The following TRAPPC9 variants were observed in gnomAD, a reference collection of about 807,000 sequenced individuals.
TRAPPC9 encodes the protein IKK2 binding protein.
A neutral mutation model predicts 124.0 loss-of-function variants in TRAPPC9; 83 were observed. The ratio of observed to expected loss-of-function variants is 0.67; its 90% CI spans 0.56 to 0.80. The LOEUF is 0.80. Among genes scored for constraint, TRAPPC9 ranks in the 30% least tolerant of loss-of-function variants. The pLI is 0.00. For missense variants in TRAPPC9, 1,302 were observed against 1,508.3 expected (o/e 0.86, Z 2.27); for synonymous variants, 638 against 617.5 (o/e 1.03, Z -0.49).
Position 140,290,985 on chromosome 8 carries a change from A to G in TRAPPC9, c.1854+8T>C. On this transcript the variant is annotated splice_region_variant and intron_variant, in intron 12 of 22. Coordinates refer to ENST00000438773, the MANE Select transcript of TRAPPC9 (RefSeq NM_001160372.4). ...GCCCAAAAAGGTCAAATGATTGGTG[A>G]TACATACCATGTTTTCAACTCGAAG... is the stretch of plus-strand genomic sequence containing the variant. The G allele has an allele frequency of 3.1e-6, 5 of 1,613,292 alleles. No homozygotes were observed. The highest frequency in any genetic ancestry group is 4.2e-6 in the Non-Finnish European group (5 of 1,179,234).
intron 18 of TRAPPC9, among the ~76,000 whole-genome samples, chr8:140,011,586 C>T (rs551263709): frequency 2.7e-5 from 4 of 146,234 alleles, no homozygotes; most frequent in African/African-American, 1.0e-4. Flanking sequence ...TCACTGCAAC[C>T]TCTGCCTCCC....
At chr8:139,751,697 CA>C (rs1329765151) in intron 21 of TRAPPC9, among the ~76,000 whole-genome samples, 1 of 152,162 alleles carries the variant, frequency 6.6e-6, no homozygotes, top group African/African-American at 2.4e-5. Flanking sequence ...CCTATCCATC[CA>C]GCATCTACCC....
At chr8:139,814,766 G>T (rs555252811) in intron 21 of TRAPPC9, among the ~76,000 whole-genome samples, 2 of 152,330 alleles carry the variant, frequency 1.3e-5, no homozygotes, top group South Asian at 2.1e-4. Flanking sequence ...GTAGCTGTGA[G>T]CTCCAAGGGT....
intron 19 of TRAPPC9, among the ~76,000 whole-genome samples, chr8:139,963,389 G>A (rs1489819406): frequency 6.6e-6 from 1 of 152,166 alleles, no homozygotes. Context: ...TGGCTGAGGT[G>A]TAGAGGAGTT....
At chr8:140,060,273 A>C (rs1465095680) in intron 17 of TRAPPC9, among the ~76,000 whole-genome samples, 1 of 152,152 alleles carries the variant, frequency 6.6e-6, no homozygotes, top group African/African-American at 2.4e-5. Context: ...GTGTCCCACG[A>C]GGTCCCTCCC....
rs1470721568 is a variant in TRAPPC9 at position 139,817,297 on chromosome 8, C to T, written c.3055+68582G>A. Among the ~76,000 whole-genome samples the T allele has an allele frequency of 2.0e-5, 3 of 152,216 alleles. No individual in the cohort carries two copies. In the South Asian group the frequency reaches 6.2e-4, roughly 31 times the overall value. ...AGGCTGCAAATCTCATATATTTCCA[C>T]ATGCCATGCAGCAGTGGAGGGCACA... On this transcript the variant is annotated intron_variant, in intron 21 of 22. Transcript: ENST00000438773.
intron 11 of TRAPPC9, among the ~76,000 whole-genome samples, chr8:140,292,670 A>G (rs1441056252): frequency 6.6e-6 from 1 of 151,970 alleles, no homozygotes; most frequent in Non-Finnish European, 1.5e-5. Context: ...ATATGTAGAA[A>G]GCTGAAACTG....
chr8:140,438,556 G>A (rs1359955064), intron 3 of TRAPPC9, among the ~76,000 whole-genome samples: 1 of 152,146 alleles, frequency 6.6e-6, no homozygotes, highest in Non-Finnish European at 1.5e-5. Flanking sequence ...TGGCAGGGTG[G>A]GAGGAGGGCA....
At chr8:140,351,239 C>T (rs1056361625) in intron 9 of TRAPPC9, among the ~76,000 whole-genome samples, 9 of 133,622 alleles carry the variant, frequency 6.7e-5, no homozygotes, top group East Asian at 3.5e-4. Context: ...CAGCCCCCCA[C>T]GCTGCCTGCC....
intron 7 of TRAPPC9, among the ~76,000 whole-genome samples, chr8:140,376,899 T>C (rs1271849278): frequency 7.0e-6 from 1 of 142,640 alleles, no homozygotes; most frequent in Non-Finnish European, 1.5e-5. Context: ...AAAATCACAG[T>C]GTTGGGAAGA....
intron 21 of TRAPPC9, among the ~76,000 whole-genome samples, chr8:139,844,622 A>C (rs1826949860): frequency 6.6e-6 from 1 of 152,234 alleles, no homozygotes; most frequent in Non-Finnish European, 1.5e-5. Context: ...AAGGAAGAGA[A>C]AAGGTGGAAG....
At chr8:139,974,279 G>C (rs1836295410) in intron 19 of TRAPPC9, among the ~76,000 whole-genome samples, 1 of 152,200 alleles carries the variant, frequency 6.6e-6, no homozygotes, top group Non-Finnish European at 1.5e-5. Flanking sequence ...ACAGAAAATG[G>C]AAAGCTAGTA....
intron 21 of TRAPPC9, among the ~76,000 whole-genome samples, chr8:139,845,663 C>G (rs1204609010): frequency 6.6e-6 from 1 of 152,234 alleles, no homozygotes; most frequent in African/African-American, 2.4e-5. Context: ...GCTGTCCTGA[C>G]TCCAGGCTGT....
At chr8:140,434,969 C>CA (rs371009615) in intron 4 of TRAPPC9, 143 bp downstream of exon 4, 128,959 of 1,074,534 alleles carry the variant, frequency 0.12, 1 homozygote, top group Non-Finnish European at 0.13. Flanking sequence ...GACTCTGTCT[C>CA]AAAAAAAAAA....
At chr8:139,979,085 G>C (rs892969191) in intron 19 of TRAPPC9, among the ~76,000 whole-genome samples, 1 of 151,964 alleles carries the variant, frequency 6.6e-6, no homozygotes, top group Non-Finnish European at 1.5e-5. Flanking sequence ...GGCCAGGTGC[G>C]GAGCCGTGAG....
At chr8:140,326,984 G>A (rs2066755016) in intron 9 of TRAPPC9, among the ~76,000 whole-genome samples, 1 of 152,218 alleles carries the variant, frequency 6.6e-6, no homozygotes, top group South Asian at 2.1e-4. Flanking sequence ...GGGCGCGGTG[G>A]CTCATGCCTG....
intron 19 of TRAPPC9, among the ~76,000 whole-genome samples, chr8:139,925,827 GCA>G (rs56794885): frequency 3.1e-4 from 21 of 68,692 alleles, no homozygotes; most frequent in East Asian, 1.4e-3. Context: ...ACACGCACAC[GCA>G]CACACACACA....
chr8:139,844,683 G>A (rs1826955154), intron 21 of TRAPPC9, among the ~76,000 whole-genome samples: 1 of 152,260 alleles, frequency 6.6e-6, no homozygotes, highest in Non-Finnish European at 1.5e-5. Flanking sequence ...GGCATGGACT[G>A]CTGGTGGGAG....
chr8:139,779,600 A>G (rs1446387143), intron 21 of TRAPPC9, among the ~76,000 whole-genome samples: 1 of 152,212 alleles, frequency 6.6e-6, no homozygotes, highest in Non-Finnish European at 1.5e-5. Context: ...TAAGGTTCTT[A>G]CAGTATACAC....
Sources: gnomAD v4.1 joint callset for allele counts (sites outside exome capture counted in the v4.1 genomes callset) on GRCh38, gnomAD v4.1.1 for gene constraint, MANE v1.5 for transcripts, NCBI Gene and HGNC (gene_info 2026-07-23, HGNC 2026-07-21) for gene names.